The following EPM2A variants were observed in gnomAD, a reference collection of about 807,000 sequenced individuals.
EPM2A encodes the protein laforin.
A neutral mutation model predicts 26.5 loss-of-function variants in EPM2A; 21 were observed. The ratio of observed to expected loss-of-function variants is 0.79; its 90% CI spans 0.56 to 1.14. EPM2A has a LOEUF of 1.14. EPM2A is among the 50% of genes most tolerant of loss of function. EPM2A has a pLI of 0.00. For missense variants in EPM2A, 458 were observed against 440.8 expected, an observed-to-expected ratio of 1.04 and a Z score of -0.35; for synonymous variants, 217 against 177.6, an observed-to-expected ratio of 1.22 and a Z score of -1.76.
intron 4 of EPM2A, among the ~76,000 whole-genome samples, chr6:145,489,363 A>T (rs1483845014): frequency 3.3e-5 from 5 of 152,220 alleles, no homozygotes; most frequent in Admixed American, 3.3e-4. Flanking sequence ...AAATAGATAC[A>T]GTCATATGCA....
intron 4 of EPM2A, among the ~76,000 whole-genome samples, chr6:145,386,086 G>T (rs1215064168): frequency 6.6e-6 from 1 of 151,828 alleles, no homozygotes; most frequent in African/African-American, 2.4e-5. Flanking sequence ...AAATTCAATA[G>T]AATATTCTTT....
intron 2 of EPM2A, among the ~76,000 whole-genome samples, chr6:145,676,968 C>T (rs1477015246): frequency 6.6e-6 from 1 of 152,064 alleles, no homozygotes; most frequent in Non-Finnish European, 1.5e-5. Flanking sequence ...CTGGCAGAGA[C>T]ACACACACAA....
intron 2 of EPM2A, among the ~76,000 whole-genome samples, chr6:145,544,749 G>A (rs562361937): frequency 2.0e-5 from 3 of 152,206 alleles, no homozygotes; most frequent in African/African-American, 4.8e-5. Flanking sequence ...TCAGCCCACC[G>A]GCAACAGGTC....
chr6:145,697,581 C>T (rs7756614), intron 1 of EPM2A, among the ~76,000 whole-genome samples: 7,728 of 152,092 alleles, frequency 0.051, 662 homozygotes, highest in African/African-American at 0.17. Flanking sequence ...TTCATCCCTA[C>T]GGCTCGACCA....
At chr6:145,555,046 T>C (rs1048905623) in intron 2 of EPM2A, among the ~76,000 whole-genome samples, 4 of 152,098 alleles carry the variant, frequency 2.6e-5, no homozygotes, top group African/African-American at 9.7e-5. Context: ...TACATCAACT[T>C]ATCACCATAG....
chr6:145,600,095 T>G (rs1291636687), intron 2 of EPM2A, among the ~76,000 whole-genome samples: 1 of 152,140 alleles, frequency 6.6e-6, no homozygotes, highest in Non-Finnish European at 1.5e-5. Context: ...TTTTTCTAGG[T>G]TTCTTTATAT....
chr6:145,722,049 C>G (rs1220770417), intron 1 of EPM2A, among the ~76,000 whole-genome samples: 1 of 152,166 alleles, frequency 6.6e-6, no homozygotes, highest in Non-Finnish European at 1.5e-5. Flanking sequence ...AATATCATTT[C>G]AGTTATCATT....
At chr6:145,507,381 G>A (rs1217373153) in intron 2 of EPM2A, among the ~76,000 whole-genome samples, 1 of 152,318 alleles carries the variant, frequency 6.6e-6, no homozygotes, top group East Asian at 1.9e-4. Context: ...TGGGCAAGCA[G>A]CCCTTGCGAC....
chr6:145,558,438 T>C (rs1780760387), intron 2 of EPM2A, among the ~76,000 whole-genome samples: 1 of 152,118 alleles, frequency 6.6e-6, no homozygotes, highest in Non-Finnish European at 1.5e-5. Flanking sequence ...CTTTTGGATA[T>C]ATACCCAGAA....
At chr6:145,454,914 CAAAG>C (rs1322118763) in intron 4 of EPM2A, among the ~76,000 whole-genome samples, 4 of 151,942 alleles carry the variant, frequency 2.6e-5, no homozygotes, top group Admixed American at 2.0e-4. Context: ...ATATTAATAA[CAAAG>C]AATTACTAGA....
chr6:145,471,268 A>G (rs775091120), intron 4 of EPM2A, among the ~76,000 whole-genome samples: 4 of 152,150 alleles, frequency 2.6e-5, no homozygotes, highest in Admixed American at 6.6e-5. Flanking sequence ...CAGTTCTGGT[A>G]AATTATATTA....
intron 4 of EPM2A, among the ~76,000 whole-genome samples, chr6:145,401,217 A>AT (rs1238105665): frequency 6.6e-6 from 1 of 152,136 alleles, no homozygotes; most frequent in African/African-American, 2.4e-5. Context: ...AATTAATGTA[A>AT]TCAATTAAGG....
intron 2 of EPM2A, among the ~76,000 whole-genome samples, chr6:145,503,239 C>A (rs1201456615): frequency 2.0e-5 from 3 of 151,762 alleles, no homozygotes; most frequent in Non-Finnish European, 4.4e-5. Flanking sequence ...GAAGTTCTGG[C>A]CAGGGCAATC....
intron 2 of EPM2A, among the ~76,000 whole-genome samples, chr6:145,618,803 AC>A (rs939138740): frequency 2.0e-5 from 3 of 152,174 alleles, no homozygotes; most frequent in African/African-American, 7.2e-5. Flanking sequence ...AGGATTTTTT[AC>A]TTTTTTCTGA....
At chr6:145,677,397 A>G (rs138195533) in intron 2 of EPM2A, among the ~76,000 whole-genome samples, 164 of 152,186 alleles carry the variant, frequency 1.1e-3, no homozygotes, top group African/African-American at 3.6e-3. Flanking sequence ...CTCTCTCACC[A>G]CTCCTATTCA....
At chr6:145,474,574 T>A (rs1444575704) in intron 4 of EPM2A, among the ~76,000 whole-genome samples, 1 of 152,098 alleles carries the variant, frequency 6.6e-6, no homozygotes. Flanking sequence ...AAAGACTTCA[T>A]GACTAAAACA....
chr6:145,421,865 GA>G (rs1778789117), intron 4 of EPM2A, among the ~76,000 whole-genome samples: 1 of 150,200 alleles, frequency 6.7e-6, no homozygotes, highest in Non-Finnish European at 1.5e-5. Flanking sequence ...AGCTAAAATA[GA>G]ATTTAAGGAA....
chr6:145,456,502 TAG>T lies in EPM2A; in HGVS notation c.555+46018_555+46019del, dbSNP rs201013713. Among the ~76,000 whole-genome samples, 365 of 152,276 alleles carry T rather than the reference TAG, an allele frequency of 2.4e-3. 5 individuals are homozygous for T. Among genetic ancestry groups the T allele is most frequent in the African/African-American group, 8.3e-3 (343 of 41,558 alleles). ...GATAAAGAAGAACTTTCCAAATGAA[TAG>T]AGTTTTCCATCTAATGAAAAATCCA... On this transcript the variant is annotated intron_variant, in intron 4 of 4. Coordinates refer to the EPM2A transcript ENST00000638717.
chr6:145,493,702 T>C lies in EPM2A; in HGVS notation c.555+8820A>G, dbSNP rs909815112. Among the ~76,000 whole-genome samples the C allele has an allele frequency of 5.3e-5, 8 of 152,326 alleles. No individual in the cohort carries two copies. The East Asian group carries it at 1.5e-3, about 29-fold the overall frequency. On this transcript the variant is annotated intron_variant, in intron 4 of 4. Coordinates refer to the EPM2A transcript ENST00000638717. Reference sequence around the variant, plus strand: ...ATTGAGAGCTTTTAACATGAAGGAATGGTAAAATTTTATCAAAAGCCATCT... The same window carrying C: ...ATTGAGAGCTTTTAACATGAAGGAACGGTAAAATTTTATCAAAAGCCATCT...
Sources: allele counts gnomAD v4.1 joint callset (sites outside exome capture counted in the v4.1 genomes callset), GRCh38; gene constraint gnomAD v4.1.1; transcripts MANE v1.5; gene names NCBI Gene and HGNC (gene_info 2026-07-23, HGNC 2026-07-21).